Variants in C7orf57 observed in about 807,000 individuals in gnomAD.
C7orf57 encodes uncharacterized protein C7orf57.
In C7orf57, 33 loss-of-function variants were observed where a neutral mutation model predicts 39.0. That is an observed-to-expected ratio of 0.85 (90% CI 0.64 to 1.13). C7orf57 has a LOEUF of 1.13. Ranked by LOEUF, C7orf57 falls within the 50% of genes most tolerant of loss-of-function variation. The pLI is 0.00. For synonymous variants in C7orf57, 124 were observed against 137.1 expected (o/e 0.90, Z 0.67); for missense variants, 346 against 362.3 (o/e 0.95, Z 0.37).
chr7:48,036,438 C>T, intron 2 of C7orf57, 75 bp downstream of exon 2: 2 of 1,362,580 alleles, frequency 1.5e-6, no homozygotes, highest in East Asian at 2.6e-5. Flanking sequence ...ACGCTGTGGA[C>T]CCAACGTCCT....
intron 6 of C7orf57, among the ~76,000 whole-genome samples, chr7:48,051,826 TC>T (rs1320438173): frequency 1.4e-4 from 4 of 28,086 alleles, no homozygotes; most frequent in East Asian, 6.8e-4. Context: ...TCTCTTTCTT[TC>T]TTTCTTTCTT....
chr7:48,037,768 T>TGCGC (rs71298786), intron 2 of C7orf57, among the ~76,000 whole-genome samples: 5 of 150,330 alleles, frequency 3.3e-5, no homozygotes, highest in Non-Finnish European at 6.0e-5. Context: ...TGTGTGTGTG[T>TGCGC]GCGCGCGCGT....
At chr7:48,045,100 A>G (rs1790675371) in intron 4 of C7orf57, among the ~76,000 whole-genome samples, 1 of 151,788 alleles carries the variant, frequency 6.6e-6, no homozygotes. Flanking sequence ...AGGATGATCT[A>G]CTTCTGGGGC....
intron 3 of C7orf57, 96 bp from the exon 4 acceptor site, chr7:48,043,385 C>A: frequency 1.2e-6 from 1 of 866,108 alleles, no homozygotes; most frequent in Non-Finnish European, 1.8e-6. Flanking sequence ...GGGAGACCTA[C>A]AGTTCGCCTT....
chr7:48,051,363 T>TTTTTTTTTTTTTTC, intron 6 of C7orf57, among the ~76,000 whole-genome samples: 1 of 144,172 alleles, frequency 6.9e-6, no homozygotes, highest in African/African-American at 2.6e-5. Context: ...TTTTTTTTTT[T>TTTTTTTTTTTTTTC]TTTTGGAGAC....
At chr7:48,043,643 C>T in intron 4 of C7orf57, 54 bp downstream of exon 4, 1 of 1,362,514 alleles carries the variant, frequency 7.3e-7, no homozygotes, top group African/African-American at 1.5e-5. Flanking sequence ...AAAAAAATAG[C>T]CCAATTTTAA....
At chr7:48,058,262 A>G (rs1271439266) in intron 8 of C7orf57, among the ~76,000 whole-genome samples, 2 of 152,042 alleles carry the variant, frequency 1.3e-5, no homozygotes, top group Non-Finnish European at 2.9e-5. Flanking sequence ...ACAGCTTGAG[A>G]AGGGTTAGTA....
intron 5 of C7orf57, among the ~76,000 whole-genome samples, chr7:48,047,989 C>T (rs1157864141): frequency 6.6e-6 from 1 of 152,222 alleles, no homozygotes; most frequent in Non-Finnish European, 1.5e-5. Context: ...GGCTACAGCT[C>T]ATTTCTACAG....
chr7:48,055,803 T>A (rs1266597686), intron 8 of C7orf57, among the ~76,000 whole-genome samples: 1 of 151,672 alleles, frequency 6.6e-6, no homozygotes. Flanking sequence ...AATTTACTTC[T>A]TTTTTAAAGG....
At chr7:48,047,896 A>T (rs1048884059) in intron 5 of C7orf57, among the ~76,000 whole-genome samples, 7 of 152,046 alleles carry the variant, frequency 4.6e-5, no homozygotes, top group South Asian at 2.1e-4. Flanking sequence ...TAAGAATTAG[A>T]TTTATCTCTT....
intron 5 of C7orf57, 30 bp downstream of exon 5, chr7:48,046,646 C>T (rs201370495): frequency 1.5e-4 from 243 of 1,597,314 alleles, no homozygotes; most frequent in South Asian, 1.9e-4. Flanking sequence ...AGACGGCATC[C>T]GCATCCGCTT....
intron 6 of C7orf57, 87 bp downstream of exon 6, chr7:48,050,064 C>A: frequency 1.2e-6 from 1 of 861,040 alleles, no homozygotes; most frequent in Non-Finnish European, 1.9e-6. Context: ...GCGCTAGTGA[C>A]AGCATCCACA....
chr7:48,057,508 C>T (rs984674380), intron 8 of C7orf57, among the ~76,000 whole-genome samples: 2 of 152,094 alleles, frequency 1.3e-5, no homozygotes, highest in Non-Finnish European at 1.5e-5. Flanking sequence ...CCAGTTTTCA[C>T]AGTTTTTTGG....
chr7:48,036,614 A>G lies in C7orf57; in HGVS notation c.55+251A>G, dbSNP rs1329691047. ...TTTTCAACAAGAGAGAACCAAGGCT[A>G]CCTATCTTGGTTCAATCTGGAGCAA... is the stretch of plus-strand genomic sequence containing the variant. On this transcript the variant is annotated intron_variant, in intron 2 of 8. Transcript: ENST00000348904. 1.3e-5 allele frequency among the ~76,000 whole-genome samples: 2 copies of G among 152,164 alleles called. 1 individual carries two copies. Among genetic ancestry groups the G allele is most frequent in the Middle Eastern group, 6.4e-3 (2 of 314 alleles).
intron 4 of C7orf57, 79 bp from the exon 5 acceptor site, chr7:48,046,381 C>T: frequency 1.5e-6 from 2 of 1,340,544 alleles, no homozygotes. Context: ...AAAGGGAGAG[C>T]CAGCGATGGA....
intron 4 of C7orf57, among the ~76,000 whole-genome samples, 154 bp downstream of exon 4, chr7:48,043,743 T>G (rs1371776495): frequency 1.3e-5 from 2 of 152,196 alleles, no homozygotes; most frequent in African/African-American, 4.8e-5. Context: ...CTTTGAGGGA[T>G]GTAGCCTAAG....
chr7:48,052,572 G>C (rs918782211), intron 6 of C7orf57, 128 bp from the exon 7 acceptor site: 4 of 665,174 alleles, frequency 6.0e-6, no homozygotes, highest in African/African-American at 5.4e-5. Flanking sequence ...GGGAAAGACA[G>C]AGAGAGAGAG....
At chr7:48,059,469 G>A (rs1484316389) in intron 8 of C7orf57, among the ~76,000 whole-genome samples, 1 of 152,158 alleles carries the variant, frequency 6.6e-6, no homozygotes, top group East Asian at 1.9e-4. Context: ...TTCTGCCTCA[G>A]CCTCCTGAGC....
chr7:48,038,481 C>T lies in C7orf57; in HGVS notation c.55+2118C>T, dbSNP rs573999597. On this transcript the variant is annotated intron_variant, in intron 2 of 8. Coordinates refer to ENST00000348904, the MANE Select transcript of C7orf57 (RefSeq NM_001100159.3). ...ACGTAATTGTGGAGTCTGGAAGGTT[C>T]GAAATTTGCAGTGCAGACCAGCAGG... 3.5e-4 allele frequency among the ~76,000 whole-genome samples: 53 copies of T among 152,168 alleles called. No homozygotes were observed. The South Asian group carries it at 0.01, about 29-fold the overall frequency.
Sources: gnomAD v4.1 joint callset for allele counts (sites outside exome capture counted in the v4.1 genomes callset) on GRCh38, gnomAD v4.1.1 for gene constraint, MANE v1.5 for transcripts, NCBI Gene and HGNC (gene_info 2026-07-23, HGNC 2026-07-21) for gene names.